The following LETM1 variants were observed in gnomAD, a reference collection of about 807,000 sequenced individuals.
LETM1 encodes mitochondrial proton/calcium exchanger protein.
A neutral mutation model predicts 74.5 loss-of-function variants in LETM1; 50 were observed. The ratio of observed to expected loss-of-function variants is 0.67; its 90% CI spans 0.53 to 0.85. The LOEUF (loss-of-function observed/expected upper bound fraction) is 0.85. Ranked by LOEUF, LETM1 falls within the 40% of genes least tolerant of loss-of-function variation. LETM1 has a pLI of 0.00. For synonymous variants in LETM1, 446 were observed against 407.1 expected (o/e 1.10, Z -1.15); for missense variants, 824 against 967.8 (o/e 0.85, Z 1.97).
At position 1,825,582 on chromosome 4, in the gene LETM1, C is replaced by T. The variant is rs867700406; in HGVS notation, c.1182G>A (p.Leu394=). The part of the protein sequence containing the change: ...MRALGVTEDR[L]RGQLKQWLDL... The stretch of plus-strand genomic sequence containing the variant: ...CACGCACCTGCTTCAGCTGACCCCT[C>T]AGGCGGTCTTCCGTGACGCCCAGGG... The change falls in exon 7 of 14, where the codon CTG becomes CTA. Residue 394 remains leucine, a synonymous_variant. Transcript: ENST00000302787. The T allele has an allele frequency of 8.1e-6, 13 of 1,613,366 alleles. 1 individual carries two copies. Among genetic ancestry groups the T allele is most frequent in the African/African-American group, 8.0e-5 (6 of 74,952 alleles).
At chr4:1,840,652 T>C (rs930589865) in intron 3 of LETM1, among the ~76,000 whole-genome samples, 3 of 151,284 alleles carry the variant, frequency 2.0e-5, no homozygotes, top group African/African-American at 7.3e-5. Context: ...TGGGCGACAG[T>C]GAGACTCCAT....
chr4:1,847,982 G>A (rs1182000175), intron 2 of LETM1, among the ~76,000 whole-genome samples: 2 of 150,638 alleles, frequency 1.3e-5, no homozygotes, highest in African/African-American at 4.9e-5. Flanking sequence ...GTGACAGCGC[G>A]AGACTCTGTC....
chr4:1,822,989 G>A lies in LETM1; in HGVS notation c.1475C>T (p.Ala492Val), dbSNP rs567089527. Reference protein sequence around the residue: ...EKELQKRSEVAKDFEPERVVA... With the variant: ...EKELQKRSEVVKDFEPERVVA... ...GCACGGAGCAGGACCACCGCTTACC[G>A]CCACCTCCGAGCGCTTCTGCAGCTC... Residue 492 changes from alanine to valine, a missense_variant and splice_region_variant, in exon 9 of 14, where the codon GCG (alanine) becomes GTG (valine). Coordinates refer to ENST00000302787, the MANE Select transcript of LETM1 (RefSeq NM_012318.3). 8.9e-6 allele frequency: 14 copies of A among 1,565,538 alleles called. No homozygotes were observed. The South Asian group carries it at 9.3e-5, about 10-fold the overall frequency.
Position 1,823,668 on chromosome 4 carries a change from T to C in LETM1, c.1308A>G (p.Thr436=), listed in dbSNP as rs1560482258. 2.5e-6 allele frequency: 4 copies of C among 1,613,888 alleles called. No individual in the cohort carries two copies. The South Asian group carries it at 3.3e-5, about 13-fold the overall frequency. Residue 436 remains threonine (T), a synonymous_variant, in exon 8 of 14, where the codon ACA becomes ACG. Transcript: ENST00000302787. ...CCACAATCTCTGGGAGGGTCTGCAGTGTGGACTTGAGCTGGTCGGCTGGAG... is the reference window on the plus strand; with the variant it reads ...CCACAATCTCTGGGAGGGTCTGCAGCGTGGACTTGAGCTGGTCGGCTGGAG... The part of the protein sequence containing the change: ...TLSPADQLKS[T]LQTLPEIVAK...
chr4:1,842,838 C>T (rs1280346715), intron 2 of LETM1, among the ~76,000 whole-genome samples: 3 of 152,222 alleles, frequency 2.0e-5, no homozygotes, highest in Admixed American at 2.0e-4. Context: ...ACACAGAGAC[C>T]ATCATCTGAC....
chr4:1,851,384 C>T (rs1387451930), intron 1 of LETM1, among the ~76,000 whole-genome samples: 3 of 152,110 alleles, frequency 2.0e-5, no homozygotes, highest in South Asian at 4.2e-4. Context: ...CGTGAGAGGA[C>T]GAACAAGATG....
At chr4:1,839,731 G>C (rs1028778108) in intron 3 of LETM1, among the ~76,000 whole-genome samples, 2 of 152,150 alleles carry the variant, frequency 1.3e-5, no homozygotes, top group African/African-American at 4.8e-5. Context: ...TGGGTTTTAA[G>C]ACCCTCCCTA....
intron 6 of LETM1, among the ~76,000 whole-genome samples, chr4:1,831,261 T>C (rs1459277885): frequency 1.3e-5 from 2 of 152,230 alleles, no homozygotes; most frequent in African/African-American, 2.4e-5. Context: ...AGGCATATTT[T>C]AGAAGTGGTG....
chr4:1,851,375 G>A (rs771795712), intron 1 of LETM1, among the ~76,000 whole-genome samples: 6 of 152,282 alleles, frequency 3.9e-5, no homozygotes, highest in South Asian at 2.1e-4. Context: ...GAGAGCCACC[G>A]TGAGAGGACG....
chr4:1,837,574 A>G (rs923235995), intron 3 of LETM1, among the ~76,000 whole-genome samples: 2 of 152,006 alleles, frequency 1.3e-5, no homozygotes, highest in Non-Finnish European at 2.9e-5. Flanking sequence ...ATGCCTCATT[A>G]ATTTTTTTAG....
chr4:1,816,145 C>T (rs1257512672), intron 12 of LETM1, among the ~76,000 whole-genome samples: 1 of 152,160 alleles, frequency 6.6e-6, no homozygotes, highest in Non-Finnish European at 1.5e-5. Flanking sequence ...GGCTGTGGTG[C>T]CCTGGGCAGA....
intron 8 of LETM1, among the ~76,000 whole-genome samples, 192 bp downstream of exon 8, chr4:1,823,452 C>T (rs1218966976): frequency 1.4e-5 from 2 of 147,286 alleles, no homozygotes; most frequent in East Asian, 2.0e-4. Flanking sequence ...CGGGGGATGG[C>T]AGGCAAGGGG....
intron 3 of LETM1, chr4:1,839,301 GA>G (rs908709481): frequency 4.6e-5 from 7 of 152,202 alleles, no homozygotes; most frequent in African/African-American, 1.7e-4. Flanking sequence ...AACTCACCCA[GA>G]GGGACACGCG....
chr4:1,817,881 G>A (rs1711628892), intron 11 of LETM1, among the ~76,000 whole-genome samples: 1 of 152,118 alleles, frequency 6.6e-6, no homozygotes, highest in Admixed American at 6.5e-5. Flanking sequence ...CCACTCCCAA[G>A]CAATCCTCCT....
chr4:1,841,855 C>T, intron 2 of LETM1, 58 bp from the exon 3 acceptor site: 2 of 1,272,294 alleles, frequency 1.6e-6, no homozygotes, highest in Non-Finnish European at 2.2e-6. Flanking sequence ...TTTGACAGCT[C>T]AGCACCGAAC....
Position 1,814,096 on chromosome 4 carries a change from C to A in LETM1, c.*328G>T. On this transcript the variant is annotated 3_prime_UTR_variant, in exon 14 of 14. Coordinates refer to ENST00000302787, the MANE Select transcript of LETM1 (RefSeq NM_012318.3). ...CTCATTCTCTTCCCTGGGGACAGGG[C>A]AGCACAGTCAGATGCTGAGACTGAG... The A allele has an allele frequency of 5.5e-6, 2 of 364,058 alleles. No homozygotes were observed. The highest frequency in any genetic ancestry group is 5.2e-5 in the South Asian group (2 of 38,788). 22.6% of individuals were successfully genotyped at this position (364,058 alleles called of 1,614,324 possible). A position where few individuals can be genotyped will look rare whatever the true frequency, so the allele number is the denominator to read the frequency against.
intron 2 of LETM1, among the ~76,000 whole-genome samples, chr4:1,844,106 C>A (rs539743901): frequency 6.6e-6 from 1 of 152,146 alleles, no homozygotes; most frequent in African/African-American, 2.4e-5. Context: ...GACGAAGACT[C>A]GGAAAAACAG....
chr4:1,822,091 C>G, intron 10 of LETM1, 90 bp downstream of exon 10: 3 of 1,273,984 alleles, frequency 2.4e-6, no homozygotes, highest in Non-Finnish European at 3.1e-6. Context: ...GATGCCCCAG[C>G]TAACCTGTCC....
chr4:1,823,696 A>G lies in LETM1; in HGVS notation c.1280T>C (p.Leu427Pro). Residue 427 changes from leucine to proline, a missense_variant, in exon 8 of 14, where the codon CTC becomes CCC. By Grantham distance (98) the Leu-to-Pro change is moderately conservative. This residue lies in a region of LETM1 where 172 missense variants were observed against 170.7 expected (regional missense o/e 1.01). Transcript: ENST00000302787. ...GGACTTGAGCTGGTCGGCTGGAGAGAGGGTGTCCGGGAGGTACATGGCCCG... is the reference window on the plus strand; with the variant it reads ...GGACTTGAGCTGGTCGGCTGGAGAGGGGGTGTCCGGGAGGTACATGGCCCG... Reference protein sequence around the residue: ...LSRAMYLPDTLSPADQLKSTL... With the variant: ...LSRAMYLPDTPSPADQLKSTL... 1 of 1,613,900 alleles carries G rather than the reference A, an allele frequency of 6.2e-7. No homozygotes were observed. The highest frequency in any genetic ancestry group is 8.5e-7 in the Non-Finnish European group (1 of 1,179,946).
Sources: allele counts gnomAD v4.1 joint callset (sites outside exome capture counted in the v4.1 genomes callset), GRCh38; gene constraint gnomAD v4.1.1; regional missense constraint gnomAD v4.1.1; transcripts MANE v1.5; gene names NCBI Gene and HGNC (gene_info 2026-07-23, HGNC 2026-07-21).